The following GABRG3 variants were observed in gnomAD, a reference collection of about 807,000 sequenced individuals.
The protein encoded by GABRG3 is gamma-aminobutyric acid receptor subunit gamma-3.
A neutral mutation model predicts 48.8 loss-of-function variants in GABRG3; 25 were observed. The ratio of observed to expected loss-of-function variants is 0.51; its 90% CI spans 0.37 to 0.72. The LOEUF (loss-of-function observed/expected upper bound fraction) is 0.72. Among genes scored for constraint, GABRG3 ranks in the 30% least tolerant of loss-of-function variants. GABRG3 has a pLI of 0.00. For missense variants in GABRG3, 394 were observed against 577.9 expected, an observed-to-expected ratio of 0.68 and a Z score of 3.26; for synonymous variants, 227 against 217.6, an observed-to-expected ratio of 1.04 and a Z score of -0.38.
rs1234119711 is a variant in GABRG3, at chr15:27,480,784, G to C, written c.709G>C (p.Ala237Pro). 2.5e-6 allele frequency: 4 copies of C among 1,613,530 alleles called. No homozygotes were observed. Among genetic ancestry groups the C allele is most frequent in the Non-Finnish European group, 3.4e-6 (4 of 1,179,778 alleles). The change falls in exon 6 of 10, where the codon GCA (alanine) becomes CCA (proline). Residue 237 changes from alanine (A) to proline (P), a missense_variant. This residue lies in a region of GABRG3 where 218 missense variants were observed against 309.9 expected (regional missense o/e 0.70). Coordinates refer to ENST00000615808, the MANE Select transcript of GABRG3 (RefSeq NM_033223.5). ...RNTTEIVTTS[A>P]GDYVVMTIYF... Reference sequence around the variant, plus strand: ...CACCACAGAAATCGTGACAACGTCTGCAGGTAGGAATTTACTGAAAGAGGC... The same window carrying C: ...CACCACAGAAATCGTGACAACGTCTCCAGGTAGGAATTTACTGAAAGAGGC...
intron 2 of GABRG3, among the ~76,000 whole-genome samples, chr15:26,986,544 C>A (rs906990990): frequency 1.3e-5 from 2 of 152,172 alleles, no homozygotes; most frequent in Non-Finnish European, 2.9e-5. Flanking sequence ...CACCATGCCA[C>A]CCCTATCGAG....
chr15:27,130,209 A>G (rs1897892320), intron 3 of GABRG3, among the ~76,000 whole-genome samples: 1 of 152,094 alleles, frequency 6.6e-6, no homozygotes, highest in Admixed American at 6.5e-5. Flanking sequence ...CTTTGTTAAA[A>G]TTTGAATCAA....
chr15:27,354,606 G>A (rs1157468722), intron 5 of GABRG3, among the ~76,000 whole-genome samples: 1 of 152,206 alleles, frequency 6.6e-6, no homozygotes, highest in Non-Finnish European at 1.5e-5. Context: ...AGCACCAGGA[G>A]GAGATTTAAG....
At chr15:27,003,940 G>A (rs1319597207) in intron 2 of GABRG3, among the ~76,000 whole-genome samples, 17 of 147,654 alleles carry the variant, frequency 1.2e-4, no homozygotes, top group South Asian at 2.2e-4. Context: ...GGGCAGAGGC[G>A]CCCCTCACCT....
chr15:27,070,939 C>T (rs1896816754), intron 3 of GABRG3, among the ~76,000 whole-genome samples: 1 of 152,212 alleles, frequency 6.6e-6, no homozygotes. Context: ...GCAGACGGGA[C>T]TGCGAGGTCC....
Position 27,232,312 on chromosome 15 carries a change from G to T in GABRG3, c.271-94497G>T, listed in dbSNP as rs561821359. Among the ~76,000 whole-genome samples the T allele has an allele frequency of 2.6e-5, 4 of 152,326 alleles. No homozygotes were observed. In the South Asian group the frequency reaches 8.3e-4, roughly 32 times the overall value. ...CAGTACAATAAAAGAGAATGAACAT[G>T]ACTCATATTGAATTCAGTAGATGCT... On this transcript the variant is annotated intron_variant, in intron 3 of 9. Coordinates refer to ENST00000615808, the MANE Select transcript of GABRG3 (RefSeq NM_033223.5).
At chr15:27,251,252 G>A (rs1439126211) in intron 3 of GABRG3, among the ~76,000 whole-genome samples, 2 of 152,060 alleles carry the variant, frequency 1.3e-5, no homozygotes, top group Non-Finnish European at 2.9e-5. Context: ...TGTCCTCAGC[G>A]GTGCCTGTTT....
chr15:27,379,694 C>T (rs1300221254), intron 5 of GABRG3, among the ~76,000 whole-genome samples: 2 of 152,150 alleles, frequency 1.3e-5, no homozygotes, highest in African/African-American at 2.4e-5. Context: ...ATGCAGAATG[C>T]TAGATGGGTG....
chr15:27,043,721 C>T (rs1896316236), intron 3 of GABRG3, among the ~76,000 whole-genome samples: 1 of 152,232 alleles, frequency 6.6e-6, no homozygotes, highest in African/African-American at 2.4e-5. Flanking sequence ...TTACCTATTG[C>T]TGTGTAACGA....
At chr15:27,264,998 A>G (rs1042539666) in intron 3 of GABRG3, among the ~76,000 whole-genome samples, 1 of 152,186 alleles carries the variant, frequency 6.6e-6, no homozygotes, top group Non-Finnish European at 1.5e-5. Context: ...AATTAACCCT[A>G]GTTCTCACCA....
Position 27,269,405 on chromosome 15 carries a change from GC to G in GABRG3, c.271-57403del, listed in dbSNP as rs903814372. ...TTGTTACCCTGTGCTTTCTGTGTGTGCTGTTCTTTTCCTAGCATGGCCTCTA... is the reference window on the plus strand; with the variant it reads ...TTGTTACCCTGTGCTTTCTGTGTGTGTGTTCTTTTCCTAGCATGGCCTCTA... On this transcript the variant is annotated intron_variant, in intron 3 of 9. Coordinates refer to ENST00000615808, the MANE Select transcript of GABRG3 (RefSeq NM_033223.5). Among the ~76,000 whole-genome samples, 137 of 152,248 alleles carry G rather than the reference GC, an allele frequency of 9.0e-4. 1 individual carries two copies. The highest frequency in any genetic ancestry group is 3.0e-3 in the African/African-American group (125 of 41,542).
At chr15:27,260,356 T>A (rs967379584) in intron 3 of GABRG3, among the ~76,000 whole-genome samples, 2 of 152,128 alleles carry the variant, frequency 1.3e-5, no homozygotes, top group African/African-American at 4.8e-5. Flanking sequence ...CATTTAACCT[T>A]AATCACCTTG....
intron 3 of GABRG3, among the ~76,000 whole-genome samples, chr15:27,101,501 A>G (rs1460818864): frequency 6.6e-6 from 1 of 152,210 alleles, no homozygotes; most frequent in Non-Finnish European, 1.5e-5. Flanking sequence ...AAAAAGAAGA[A>G]TGAAATTGGA....
chr15:27,386,841 C>A (rs556217929), intron 5 of GABRG3, among the ~76,000 whole-genome samples: 8 of 152,278 alleles, frequency 5.3e-5, no homozygotes, highest in African/African-American at 1.7e-4. Context: ...TGGCCAAGTT[C>A]TTCACACAGA....
chr15:27,171,540 A>G (rs989994583), intron 3 of GABRG3, among the ~76,000 whole-genome samples: 2 of 148,850 alleles, frequency 1.3e-5, no homozygotes, highest in African/African-American at 2.5e-5. Context: ...ACAGATGTAT[A>G]CACATGTATA....
chr15:27,496,082 G>C (rs1183144366), intron 6 of GABRG3, among the ~76,000 whole-genome samples: 1 of 152,134 alleles, frequency 6.6e-6, no homozygotes, highest in Non-Finnish European at 1.5e-5. Context: ...CTGGGCAGAG[G>C]TAGGAATTTG....
intron 6 of GABRG3, chr15:27,481,012 A>G (rs1441456912): frequency 4.4e-6 from 6 of 1,367,340 alleles, no homozygotes; most frequent in Non-Finnish European, 5.6e-6. Flanking sequence ...GTGTTTGCAT[A>G]ATGTCTATAA....
intron 3 of GABRG3, among the ~76,000 whole-genome samples, chr15:27,193,064 C>T (rs1373213149): frequency 2.0e-5 from 3 of 152,078 alleles, no homozygotes; most frequent in Admixed American, 6.6e-5. Context: ...GCTGTCTGAT[C>T]GTTCCTCTGG....
intron 3 of GABRG3, among the ~76,000 whole-genome samples, chr15:27,211,789 A>G (rs915832431): frequency 6.6e-6 from 1 of 152,288 alleles, no homozygotes; most frequent in East Asian, 1.9e-4. Context: ...AGGACTTACT[A>G]TATATTCATG....
Sources: allele counts gnomAD v4.1 joint callset (sites outside exome capture counted in the v4.1 genomes callset), GRCh38; gene constraint gnomAD v4.1.1; regional missense constraint gnomAD v4.1.1; transcripts MANE v1.5; gene names NCBI Gene and HGNC (gene_info 2026-07-23, HGNC 2026-07-21).